GALNT9: variants seen among roughly 807,000 people sequenced by gnomAD.
GALNT9 encodes the protein polypeptide N-acetylgalactosaminyltransferase 9.
A neutral mutation model predicts 63.1 loss-of-function variants in GALNT9; 47 were observed. The observed-to-expected ratio is 0.75, with a 90% CI of 0.59 to 0.95. The LOEUF is 0.95. Ranked by LOEUF, GALNT9 falls within the 40% of genes least tolerant of loss-of-function variation. The pLI is 0.00. For synonymous variants in GALNT9, 396 were observed against 365.7 expected, an observed-to-expected ratio of 1.08 and a Z score of -0.94; for missense variants, 829 against 874.8, an observed-to-expected ratio of 0.95 and a Z score of 0.66.
intron 1 of GALNT9, among the ~76,000 whole-genome samples, chr12:132,321,676 C>T (rs1555246157): frequency 6.6e-6 from 1 of 152,160 alleles, no homozygotes; most frequent in Non-Finnish European, 1.5e-5. Context: ...CTGGCAGCTC[C>T]TTCTCCTCAT....
intron 7 of GALNT9, among the ~76,000 whole-genome samples, chr12:132,202,434 A>G (rs1373640305): frequency 2.0e-5 from 3 of 152,144 alleles, no homozygotes; most frequent in Non-Finnish European, 4.4e-5. Context: ...TTTGCAGTGA[A>G]TGGTCCAGCC....
At position 132,196,579 on chromosome 12, in the gene GALNT9, T is replaced by C. The variant is rs1875522141; in HGVS notation, c.*528A>G. On this transcript the variant is annotated 3_prime_UTR_variant, in exon 11 of 11. Coordinates refer to ENST00000328957, the MANE Select transcript of GALNT9 (RefSeq NM_001122636.2). Reference sequence around the variant, plus strand: ...CCAGCCTCCTAGACACGGCCTCAGGTTTGTCGCTGTCCATGTCCTCCAGCA... The same window carrying C: ...CCAGCCTCCTAGACACGGCCTCAGGCTTGTCGCTGTCCATGTCCTCCAGCA... 1.0e-6 allele frequency: 1 copy of C among 986,592 alleles called. No individual in the cohort carries two copies. The highest frequency in any genetic ancestry group is 4.7e-5 in the South Asian group (1 of 21,334). 61.1% of individuals were successfully genotyped at this position (986,592 alleles called of 1,614,324 possible).
At chr12:132,253,254 G>T (rs1041699978) in intron 5 of GALNT9, among the ~76,000 whole-genome samples, 1 of 152,044 alleles carries the variant, frequency 6.6e-6, no homozygotes, top group African/African-American at 2.4e-5. Flanking sequence ...TTAGGCCTCC[G>T]GATGACTGCG....
chr12:132,267,037 G>A (rs1158071827), intron 2 of GALNT9, among the ~76,000 whole-genome samples: 10 of 152,220 alleles, frequency 6.6e-5, no homozygotes, highest in Admixed American at 2.0e-4. Context: ...TGTGATCCGC[G>A]TCTGGATGTG....
rs28406161 is a variant in GALNT9, at chr12:132,263,180, G to A, written c.420-555C>T. Among the ~76,000 whole-genome samples, 1,046 of 152,324 alleles carry A rather than the reference G, an allele frequency of 6.9e-3. 47 individuals are homozygous for A. In the South Asian group the frequency reaches 0.1, roughly 15 times the overall value. On this transcript the variant is annotated intron_variant, in intron 2 of 10. Coordinates refer to ENST00000328957, the MANE Select transcript of GALNT9 (RefSeq NM_001122636.2). ...CCACCCGCACAGGCAGCCACTTCCC[G>A]CCCTGGCTCATAGCTGGTTCCAAGC...
At chr12:132,308,439 TG>T (rs1178737353) in intron 1 of GALNT9, among the ~76,000 whole-genome samples, 1 of 152,218 alleles carries the variant, frequency 6.6e-6, no homozygotes, top group Non-Finnish European at 1.5e-5. Context: ...TGCTGGGTGC[TG>T]CCGCCCATTC....
intron 6 of GALNT9, among the ~76,000 whole-genome samples, chr12:132,209,125 G>A (rs565000773): frequency 2.0e-5 from 3 of 152,292 alleles, no homozygotes; most frequent in Admixed American, 6.5e-5. Context: ...GGTAAGATGA[G>A]GCTGAGACCC....
At chr12:132,272,503 C>T (rs908248633) in intron 2 of GALNT9, among the ~76,000 whole-genome samples, 2 of 152,238 alleles carry the variant, frequency 1.3e-5, no homozygotes, top group Admixed American at 6.5e-5. Context: ...CTGGACTTTT[C>T]TGTGTTTTCC....
intron 6 of GALNT9, 28 bp from the exon 7 acceptor site, chr12:132,203,718 C>T (rs748453321): frequency 5.6e-6 from 9 of 1,603,112 alleles, no homozygotes; most frequent in Admixed American, 1.7e-5. Context: ...TGGGTGCCGG[C>T]GTCCTTCCCA....
At position 132,327,830 on chromosome 12, in the gene GALNT9, G is replaced by T. The variant is rs1869103386; in HGVS notation, c.238+1136C>A. Reference sequence around the variant, plus strand: ...ACCTCCCCCTCCCACCCCACGGCCTGTCTGCAGCCCACCCTCAAGAGAGGG... The same window carrying T: ...ACCTCCCCCTCCCACCCCACGGCCTTTCTGCAGCCCACCCTCAAGAGAGGG... On this transcript the variant is annotated intron_variant, in intron 1 of 10. Transcript: ENST00000328957. The surrounding 1 kb of genome is among the most constrained non-coding windows in gnomAD (Gnocchi z 4.3). Among the ~76,000 whole-genome samples the T allele has an allele frequency of 7.0e-6, 1 of 143,728 alleles. No individual in the cohort carries two copies. The highest frequency in any genetic ancestry group is 1.5e-5 in the Non-Finnish European group (1 of 65,966). 94.3% of individuals were successfully genotyped at this position (143,728 alleles called of 152,430 possible).
intron 6 of GALNT9, among the ~76,000 whole-genome samples, chr12:132,214,014 T>C (rs1033243162): frequency 6.6e-6 from 1 of 152,002 alleles, no homozygotes; most frequent in Non-Finnish European, 1.5e-5. Flanking sequence ...CCACCCCCGC[T>C]CCCTGCCAGG....
intron 1 of GALNT9, among the ~76,000 whole-genome samples, chr12:132,306,658 C>A (rs1881626949): frequency 6.6e-6 from 1 of 152,232 alleles, no homozygotes; most frequent in African/African-American, 2.4e-5. Context: ...CCACGCCTTC[C>A]CCCCTGCTCA....
At chr12:132,323,447 G>C (rs928000128) in intron 1 of GALNT9, among the ~76,000 whole-genome samples, 12 of 152,218 alleles carry the variant, frequency 7.9e-5, no homozygotes, top group Admixed American at 7.2e-4. Flanking sequence ...GACTCAAAGG[G>C]GCAGGTCTGC....
At chr12:132,306,321 C>A (rs1351735295) in intron 1 of GALNT9, among the ~76,000 whole-genome samples, 4 of 152,240 alleles carry the variant, frequency 2.6e-5, no homozygotes, top group African/African-American at 7.2e-5. Flanking sequence ...GACTCTCAAG[C>A]GCAGAGCAAT....
rs1555239703 is a variant in GALNT9 at position 132,261,006 on chromosome 12, C to T, written c.703G>A (p.Ala235Thr). ...AAGCCGACGACTGGGGCGGTGGCCG[C>T]CTTCCAGCCCTGCAGCCGCGCGCGG... ...LIRARLQGWK[A>T]ATAPVVGFFD... Residue 235 changes from alanine (A) to threonine (T), a missense_variant, in exon 4 of 11, where the codon GCG (alanine) becomes ACG (threonine). Ala to Thr is a moderately conservative substitution (Grantham distance 58). Transcript: ENST00000328957. 1.9e-6 allele frequency: 3 copies of T among 1,549,178 alleles called. No homozygotes were observed. The highest frequency in any genetic ancestry group is 2.7e-5 in the African/African-American group (2 of 72,936).
At chr12:132,259,086 G>A (rs1879265950) in intron 4 of GALNT9, among the ~76,000 whole-genome samples, 2 of 152,194 alleles carry the variant, frequency 1.3e-5, no homozygotes, top group Admixed American at 6.5e-5. Context: ...TTTGTGAGGA[G>A]GATTAATTAA....
chr12:132,320,375 C>T (rs1555246026), intron 1 of GALNT9, among the ~76,000 whole-genome samples: 3 of 152,232 alleles, frequency 2.0e-5, no homozygotes, highest in Non-Finnish European at 4.4e-5. Context: ...GGCACAGACG[C>T]CCCCACCTCG....
At chr12:132,235,407 G>T (rs1877966481) in intron 6 of GALNT9, among the ~76,000 whole-genome samples, 1 of 152,190 alleles carries the variant, frequency 6.6e-6, no homozygotes, top group Non-Finnish European at 1.5e-5. Flanking sequence ...TCCTAGAGGA[G>T]AGGTGGACAG....
chr12:132,274,783 A>C (rs1555241052), intron 2 of GALNT9: 1 of 152,454 alleles, frequency 6.6e-6, no homozygotes, highest in Admixed American at 6.5e-5. Context: ...ACACATAAGC[A>C]GACACCACAC....
Sources: gnomAD v4.1 joint callset for allele counts (sites outside exome capture counted in the v4.1 genomes callset) on GRCh38, gnomAD v4.1.1 for gene constraint, Gnocchi (gnomAD v3.1) non-coding constraint, MANE v1.5 for transcripts, NCBI Gene and HGNC (gene_info 2026-07-23, HGNC 2026-07-21) for gene names.